Variants in ARFIP1 observed in about 807,000 individuals in gnomAD.
The protein encoded by ARFIP1 is ARF interacting protein 1.
A neutral mutation model predicts 42.5 loss-of-function variants in ARFIP1; 24 were observed. That is an observed-to-expected ratio of 0.57 (90% CI 0.41 to 0.80). The LOEUF (loss-of-function observed/expected upper bound fraction) is 0.80. ARFIP1 is among the 30% of genes least tolerant of loss of function. The pLI, the probability that ARFIP1 is intolerant of heterozygous loss-of-function variation, is 0.00. For synonymous variants in ARFIP1, 141 were observed against 153.7 expected (o/e 0.92, Z 0.61); for missense variants, 354 against 434.0 (o/e 0.82, Z 1.64).
chr4:152,900,131 G>A (rs550903492), intron 8 of ARFIP1, among the ~76,000 whole-genome samples: 1 of 152,048 alleles, frequency 6.6e-6, no homozygotes, highest in East Asian at 1.9e-4. Context: ...AAGGAAGGGT[G>A]GAAGGAAGAA....
chr4:152,887,408 A>G (rs753802308), intron 7 of ARFIP1, among the ~76,000 whole-genome samples: 3 of 152,050 alleles, frequency 2.0e-5, no homozygotes, highest in Non-Finnish European at 4.4e-5. Flanking sequence ...TGTGTTGTCA[A>G]GTATAGTAGC....
chr4:152,783,873 TTGAAA>T (rs753520956), intron 1 of ARFIP1, among the ~76,000 whole-genome samples: 58 of 152,154 alleles, frequency 3.8e-4, no homozygotes, highest in Admixed American at 1.6e-3. Flanking sequence ...ACACACCTAC[TTGAAA>T]TAAAGAATTG....
At chr4:152,884,392 C>G (rs1736103790) in intron 7 of ARFIP1, among the ~76,000 whole-genome samples, 1 of 151,838 alleles carries the variant, frequency 6.6e-6, no homozygotes, top group Non-Finnish European at 1.5e-5. Flanking sequence ...TGATCCTTTT[C>G]TAAATTTTTC....
intron 5 of ARFIP1, among the ~76,000 whole-genome samples, chr4:152,876,151 C>T (rs1735314158): frequency 6.6e-6 from 1 of 151,986 alleles, no homozygotes; most frequent in Non-Finnish European, 1.5e-5. Flanking sequence ...TGAAAAGATA[C>T]CCAAAAATGT....
intron 1 of ARFIP1, among the ~76,000 whole-genome samples, chr4:152,820,953 T>A (rs1730318154): frequency 6.6e-6 from 1 of 152,062 alleles, no homozygotes; most frequent in South Asian, 2.1e-4. Context: ...AGTCACATGC[T>A]CAAGGGGGAG....
chr4:152,841,805 C>G (rs1732098343), intron 2 of ARFIP1, among the ~76,000 whole-genome samples: 1 of 152,162 alleles, frequency 6.6e-6, no homozygotes, highest in Admixed American at 6.5e-5. Flanking sequence ...GTGCTTCTGT[C>G]TCACAACTGT....
rs1738743756 is a variant in ARFIP1, at chr4:152,910,313, A to G, written c.*94A>G. On this transcript the variant is annotated 3_prime_UTR_variant, in exon 9 of 9. Transcript: ENST00000353617. ...AGAGTTGGGGGAAGTGGGAGGGGTG[A>G]CAAGCATTATAGTGATTCTTGCACA... is the stretch of plus-strand genomic sequence containing the variant. The G allele has an allele frequency of 2.1e-6, 3 of 1,396,276 alleles. No homozygotes were observed. The highest frequency in any genetic ancestry group is 2.9e-6 in the Non-Finnish European group (3 of 1,029,868). The allele number at this position is 1,396,276 out of a possible 1,614,324, so 86.5% of individuals were successfully genotyped here.
At chr4:152,818,757 T>A (rs988514248) in intron 1 of ARFIP1, among the ~76,000 whole-genome samples, 6 of 152,142 alleles carry the variant, frequency 3.9e-5, no homozygotes, top group Non-Finnish European at 8.8e-5. Context: ...GTAGGCTGCC[T>A]AGGACCTAGG....
At chr4:152,796,530 T>C (rs1731480688) in intron 1 of ARFIP1, 3 of 769,770 alleles carry the variant, frequency 3.9e-6, no homozygotes, top group Non-Finnish European at 4.7e-6. Context: ...TTTAATCATA[T>C]TGGAAAGTAC....
chr4:152,890,436 C>G (rs1736749553), intron 8 of ARFIP1, among the ~76,000 whole-genome samples: 1 of 151,970 alleles, frequency 6.6e-6, no homozygotes, highest in East Asian at 1.9e-4. Context: ...TTGAGAGTAG[C>G]AGGAAAAAGT....
intron 3 of ARFIP1, among the ~76,000 whole-genome samples, chr4:152,865,142 ATT>A (rs77064249): frequency 6.8e-6 from 1 of 146,088 alleles, no homozygotes; most frequent in African/African-American, 2.5e-5. Context: ...AGTATTCTGT[ATT>A]TTTTTTTTTT....
rs1457418514 is a variant in ARFIP1 at position 152,888,115 on chromosome 4, T to A, written c.792-18T>A. ...TTACTGTTCTTGTAGTATGCTTCAC[T>A]TACTCTCTTCTTTCCAGGATTGAAT... is the stretch of plus-strand genomic sequence containing the variant. On this transcript the variant is annotated intron_variant, in intron 7 of 8. Transcript: ENST00000353617. The A allele has an allele frequency of 6.3e-7, 1 of 1,582,196 alleles. No homozygotes were observed. Among genetic ancestry groups the A allele is most frequent in the Non-Finnish European group, 8.6e-7 (1 of 1,166,906 alleles).
At chr4:152,891,442 T>A (rs1396201051) in intron 8 of ARFIP1, among the ~76,000 whole-genome samples, 1 of 152,192 alleles carries the variant, frequency 6.6e-6, no homozygotes, top group Non-Finnish European at 1.5e-5. Context: ...AAGACAGAGA[T>A]CCATGAGAGA....
intron 7 of ARFIP1, among the ~76,000 whole-genome samples, chr4:152,886,854 G>C (rs1221589207): frequency 6.6e-6 from 1 of 151,894 alleles, no homozygotes; most frequent in African/African-American, 2.4e-5. Flanking sequence ...TGAATGAATG[G>C]TTCTCTTTTG....
intron 1 of ARFIP1, chr4:152,810,052 G>A (rs990280358): frequency 6.6e-6 from 1 of 152,172 alleles, no homozygotes; most frequent in Non-Finnish European, 1.5e-5. Flanking sequence ...GAATATAATA[G>A]TGAATCTCAC....
chr4:152,804,452 T>TTATATATAATATATAA (rs1310576222), intron 1 of ARFIP1, among the ~76,000 whole-genome samples: 2 of 107,230 alleles, frequency 1.9e-5, no homozygotes, highest in African/African-American at 3.5e-5. Flanking sequence ...ATTATATATA[T>TTATATATAATATATAA]TATATATAAT....
At chr4:152,835,777 T>A (rs1197934928) in intron 2 of ARFIP1, among the ~76,000 whole-genome samples, 1 of 151,774 alleles carries the variant, frequency 6.6e-6, no homozygotes, top group East Asian at 1.9e-4. Flanking sequence ...AAAAAAAGAG[T>A]TTTATTTGGC....
intron 1 of ARFIP1, among the ~76,000 whole-genome samples, chr4:152,815,132 T>C (rs1299595785): frequency 6.6e-6 from 1 of 152,182 alleles, no homozygotes. Flanking sequence ...TTTCCCTGTA[T>C]CTCAGATTTT....
chr4:152,831,894 T>G (rs1399446694), intron 2 of ARFIP1, among the ~76,000 whole-genome samples: 3 of 152,166 alleles, frequency 2.0e-5, no homozygotes, highest in Admixed American at 6.5e-5. Context: ...AAGCCCTGCA[T>G]GCATTAGGTA....
Sources: allele counts gnomAD v4.1 joint callset (sites outside exome capture counted in the v4.1 genomes callset), GRCh38; gene constraint gnomAD v4.1.1; transcripts MANE v1.5; gene names NCBI Gene and HGNC (gene_info 2026-07-23, HGNC 2026-07-21).